PLEKHA8: variants seen among roughly 807,000 people sequenced by gnomAD.
PLEKHA8 encodes the protein pleckstrin homology domain-containing family A member 8.
Under a neutral mutation model 68.2 loss-of-function variants are expected in PLEKHA8, and 36 were observed. That is an observed-to-expected ratio of 0.53 (90% CI 0.40 to 0.70). The LOEUF (loss-of-function observed/expected upper bound fraction) is 0.70. Among genes scored for constraint, PLEKHA8 ranks in the 30% least tolerant of loss-of-function variants. PLEKHA8 has a pLI of 0.00. For synonymous variants in PLEKHA8, 211 were observed against 216.1 expected, an observed-to-expected ratio of 0.98 and a Z score of 0.20; for missense variants, 505 against 615.4, an observed-to-expected ratio of 0.82 and a Z score of 1.90.
At chr7:30,096,056 G>A (rs1272761371) in intron 13 of PLEKHA8, among the ~76,000 whole-genome samples, 1 of 152,040 alleles carries the variant, frequency 6.6e-6, no homozygotes, top group Admixed American at 6.6e-5. Flanking sequence ...TTCCAATTTT[G>A]TGAAGAAAGT....
chr7:30,099,942 C>T (rs368259438), intron 13 of PLEKHA8, among the ~76,000 whole-genome samples: 3 of 152,110 alleles, frequency 2.0e-5, no homozygotes, highest in East Asian at 3.8e-4. Context: ...ACTGGAAGTC[C>T]AAAACTAAGG....
intron 9 of PLEKHA8, among the ~76,000 whole-genome samples, chr7:30,058,884 T>G (rs1793211038): frequency 6.6e-6 from 1 of 152,216 alleles, no homozygotes; most frequent in Non-Finnish European, 1.5e-5. Context: ...CCCAGCACTT[T>G]GGGAGGCCAA....
At chr7:30,051,522 C>T (rs541962428) in intron 6 of PLEKHA8, among the ~76,000 whole-genome samples, 20 of 152,092 alleles carry the variant, frequency 1.3e-4, no homozygotes, top group African/African-American at 3.6e-4. Context: ...ATCACCTAAT[C>T]ATAATGATAA....
At chr7:30,050,047 C>T (rs938909647) in intron 5 of PLEKHA8, among the ~76,000 whole-genome samples, 1 of 152,150 alleles carries the variant, frequency 6.6e-6, no homozygotes, top group Non-Finnish European at 1.5e-5. Context: ...ATTTTTAGGG[C>T]AGGAACCCCA....
intron 13 of PLEKHA8, among the ~76,000 whole-genome samples, chr7:30,123,099 C>T (rs1002506464): frequency 4.6e-5 from 7 of 152,098 alleles, no homozygotes; most frequent in African/African-American, 1.7e-4. Flanking sequence ...AACTAGAACC[C>T]ACCTCTCCAT....
chr7:30,080,756 T>C lies in PLEKHA8; in HGVS notation c.*1969T>C. The C allele has an allele frequency of 1.0e-6, 1 of 985,268 alleles. No individual in the cohort carries two copies. The highest frequency in any genetic ancestry group is 1.2e-6 in the Non-Finnish European group (1 of 829,852). 61.0% of individuals were successfully genotyped at this position (985,268 alleles called of 1,614,324 possible). ...CCCTCCCACTCTCATGAGCAGTGAG[T>C]ATAGATCTCCTTCTCTGATTAGTAT... On this transcript the variant is annotated 3_prime_UTR_variant, in exon 14 of 14. Coordinates refer to ENST00000449726, the MANE Select transcript of PLEKHA8 (RefSeq NM_001197026.2).
chr7:30,028,597 G>T lies in PLEKHA8; in HGVS notation c.-166G>T. The T allele has an allele frequency of 2.3e-6, 1 of 440,280 alleles. No individual in the cohort carries two copies. The allele number at this position is 440,280 out of a possible 1,614,324, so 27.3% of individuals were successfully genotyped here. On this transcript the variant is annotated 5_prime_UTR_variant, in exon 1 of 14. Transcript: ENST00000449726. ...AGGCCGCCGCAGTGACCCCGCCCCC[G>T]GGCCGAGGATGTGAGGCGGGCCGGG... is the stretch of plus-strand genomic sequence containing the variant.
At position 30,047,929 on chromosome 7, in the gene PLEKHA8, G is replaced by A; in HGVS notation, c.411G>A (p.Val137=). The A allele has an allele frequency of 6.3e-7, 1 of 1,596,806 alleles. No individual in the cohort carries two copies. The highest frequency in any genetic ancestry group is 1.1e-5 in the South Asian group (1 of 89,944). Residue 137 remains valine (V), a synonymous_variant, in exon 4 of 14, where the codon GTG becomes GTA. Transcript: ENST00000449726. ...LVQQVDKTKE[V]TTTGVSNSEE... ...AGCAAGTAGATAAAACAAAAGAAGT[G>A]ACCACAACTGGTGTGTCCAATTCTG...
intron 13 of PLEKHA8, among the ~76,000 whole-genome samples, chr7:30,125,937 G>C (rs1695715223): frequency 6.6e-6 from 1 of 151,566 alleles, no homozygotes; most frequent in Non-Finnish European, 1.5e-5. Flanking sequence ...TTTTGGAATG[G>C]CTTTATTATC....
In PLEKHA8 at chr7:30,081,389, A is replaced by C; in HGVS notation, c.*2602A>C. 1 of 984,612 alleles carries C rather than the reference A, an allele frequency of 1.0e-6. No individual in the cohort carries two copies. The highest frequency in any genetic ancestry group is 4.7e-5 in the South Asian group (1 of 21,282). The allele number at this position is 984,612 out of a possible 1,614,324, so 61.0% of individuals were successfully genotyped here. ...ATATTAGAAATTAGAAATTGAACCT[A>C]ATACTAAACAGTAAATTCAGCTTAA... On this transcript the variant is annotated 3_prime_UTR_variant, in exon 14 of 14. Coordinates refer to ENST00000449726, the MANE Select transcript of PLEKHA8 (RefSeq NM_001197026.2).
intron 9 of PLEKHA8, among the ~76,000 whole-genome samples, 184 bp from the exon 10 acceptor site, chr7:30,060,700 G>A (rs1409762747): frequency 2.6e-5 from 4 of 152,142 alleles, no homozygotes; most frequent in Non-Finnish European, 4.4e-5. Flanking sequence ...TCACCTTGGA[G>A]TAGTGTAATA....
exon 14 of PLEKHA8, chr7:30,129,363 A>G: frequency 6.2e-7 from 1 of 1,609,298 alleles, no homozygotes; most frequent in South Asian, 1.1e-5. Context: ...GTAAAGCAGA[A>G]AGAAGAGCTG....
chr7:30,078,848 A>C lies in PLEKHA8; in HGVS notation c.*61A>C. ...AAGTGCTAAAGTGTTTTGTTGCCCT[A>C]CTTAATTTCCAGCAACAGCCTCAAC... On this transcript the variant is annotated 3_prime_UTR_variant, in exon 14 of 14. Transcript: ENST00000449726. The C allele has an allele frequency of 6.4e-7, 1 of 1,555,636 alleles. No individual in the cohort carries two copies. Among genetic ancestry groups the C allele is most frequent in the Non-Finnish European group, 8.7e-7 (1 of 1,149,864 alleles).
intron 1 of PLEKHA8, among the ~76,000 whole-genome samples, chr7:30,044,335 G>A (rs979034336): frequency 4.6e-5 from 7 of 152,184 alleles, no homozygotes; most frequent in East Asian, 3.9e-4. Flanking sequence ...GATCCAGTTG[G>A]AGCAAAAGTT....
intron 1 of PLEKHA8, among the ~76,000 whole-genome samples, chr7:30,042,297 A>G (rs1791603186): frequency 6.6e-6 from 1 of 152,200 alleles, no homozygotes; most frequent in African/African-American, 2.4e-5. Context: ...ACATGCACAC[A>G]TACCCACTCA....
chr7:30,031,828 A>G (rs1790691418), intron 1 of PLEKHA8, among the ~76,000 whole-genome samples: 2 of 152,206 alleles, frequency 1.3e-5, no homozygotes, highest in African/African-American at 4.8e-5. Context: ...ATCGATAGGT[A>G]TTAATTACTG....
At chr7:30,055,945 CTTTT>C (rs530852500) in intron 9 of PLEKHA8, among the ~76,000 whole-genome samples, 1 of 136,250 alleles carries the variant, frequency 7.3e-6, no homozygotes. Context: ...AACATATTTT[CTTTT>C]TTTTTTTTTT....
downstream of PLEKHA8, among the ~76,000 whole-genome samples, chr7:30,091,113 G>A (rs1180204489): frequency 6.6e-6 from 1 of 152,188 alleles, no homozygotes; most frequent in Non-Finnish European, 1.5e-5. Flanking sequence ...GCAGGCCACT[G>A]CCCTCCAGTC....
chr7:30,098,891 C>T (rs1795740046), intron 13 of PLEKHA8, among the ~76,000 whole-genome samples: 2 of 152,338 alleles, frequency 1.3e-5, no homozygotes, highest in East Asian at 3.9e-4. Flanking sequence ...GCAGAAATCA[C>T]CCGTCTTCTG....
Sources: gnomAD v4.1 joint callset for allele counts (sites outside exome capture counted in the v4.1 genomes callset) on GRCh38, gnomAD v4.1.1 for gene constraint, MANE v1.5 for transcripts, NCBI Gene and HGNC (gene_info 2026-07-23, HGNC 2026-07-21) for gene names.